Variants in MAN1A2 observed in about 807,000 individuals in gnomAD.
MAN1A2 encodes the protein mannosidase alpha class 1A member 2.
MAN1A2 carries 26 observed loss-of-function variants against 75.7 expected under a neutral mutation model. The observed-to-expected ratio is 0.34, with a 90% CI of 0.25 to 0.48. The LOEUF is 0.48. Among genes scored for constraint, MAN1A2 ranks in the 20% least tolerant of loss-of-function variants. The pLI is 0.99. For missense variants in MAN1A2, 562 were observed against 775.5 expected (o/e 0.72, Z 3.27); for synonymous variants, 247 against 264.6 (o/e 0.93, Z 0.65).
At chr1:117,461,858 A>G (rs1225207327) in intron 7 of MAN1A2, among the ~76,000 whole-genome samples, 1 of 152,132 alleles carries the variant, frequency 6.6e-6, no homozygotes, top group Non-Finnish European at 1.5e-5. Context: ...TTTTCCTCCC[A>G]GTGGAACTCG....
At chr1:117,379,772 GTT>G (rs950217799) in intron 1 of MAN1A2, among the ~76,000 whole-genome samples, 1 of 152,026 alleles carries the variant, frequency 6.6e-6, no homozygotes, top group Non-Finnish European at 1.5e-5. Context: ...TTAGCATAAT[GTT>G]TTTGAGGTTG....
At chr1:117,429,712 A>C (rs1422870127) in intron 5 of MAN1A2, among the ~76,000 whole-genome samples, 2 of 54,574 alleles carry the variant, frequency 3.7e-5, no homozygotes, top group Non-Finnish European at 7.2e-5. Flanking sequence ...AGGGGGGCTG[A>C]CCCCCCCCAC....
At chr1:117,486,981 A>G (rs924501211) in intron 8 of MAN1A2, among the ~76,000 whole-genome samples, 5 of 151,994 alleles carry the variant, frequency 3.3e-5, no homozygotes, top group African/African-American at 1.2e-4. Flanking sequence ...AGTGTGAGTA[A>G]GTAAGATTGG....
intron 6 of MAN1A2, among the ~76,000 whole-genome samples, chr1:117,444,439 G>T (rs944888743): frequency 6.7e-6 from 1 of 149,698 alleles, no homozygotes; most frequent in African/African-American, 2.5e-5. Context: ...TAGATGTAGC[G>T]TTCCTGGATC....
chr1:117,381,552 A>T (rs372242615), intron 1 of MAN1A2, among the ~76,000 whole-genome samples: 4 of 152,076 alleles, frequency 2.6e-5, no homozygotes, highest in African/African-American at 9.7e-5. Flanking sequence ...TCCATGGTGT[A>T]TATGTGCCAC....
rs1038469016 is a variant in MAN1A2 at position 117,523,922 on chromosome 1, C to T, written c.*965C>T. ...TCAACTTACAACTTTATTTATGTGGCTTGGCAAAAATCACTATAAGGCAGC... is the reference window on the plus strand; with the variant it reads ...TCAACTTACAACTTTATTTATGTGGTTTGGCAAAAATCACTATAAGGCAGC... On this transcript the variant is annotated 3_prime_UTR_variant, in exon 13 of 13. Transcript: ENST00000356554. The T allele has an allele frequency of 4.6e-5, 7 of 152,018 alleles. No individual in the cohort carries two copies. The highest frequency in any genetic ancestry group is 1.7e-4 in the African/African-American group (7 of 41,356). 9.4% of individuals were successfully genotyped at this position (152,018 alleles called of 1,614,324 possible). A position where few individuals can be genotyped will look rare whatever the true frequency, so the allele number is the denominator to read the frequency against.
intron 1 of MAN1A2, among the ~76,000 whole-genome samples, chr1:117,382,196 A>G (rs1653367465): frequency 6.6e-6 from 1 of 152,084 alleles, no homozygotes; most frequent in Non-Finnish European, 1.5e-5. Context: ...ATGAGATCCC[A>G]TTTGTCAATT....
intron 4 of MAN1A2, among the ~76,000 whole-genome samples, chr1:117,417,114 A>G (rs2101774679): frequency 6.6e-6 from 1 of 152,230 alleles, no homozygotes; most frequent in East Asian, 1.9e-4. Flanking sequence ...AATTAAATGC[A>G]TTTGTGTAGT....
chr1:117,495,284 AAC>A (rs1365589538), intron 9 of MAN1A2, among the ~76,000 whole-genome samples: 2 of 151,840 alleles, frequency 1.3e-5, no homozygotes, highest in Non-Finnish European at 1.5e-5. Context: ...GTTTTTTAAT[AAC>A]AGTTGATCAG....
chr1:117,465,735 C>T (rs953983214), intron 7 of MAN1A2, among the ~76,000 whole-genome samples: 1 of 152,030 alleles, frequency 6.6e-6, no homozygotes, highest in African/African-American at 2.4e-5. Flanking sequence ...AAAATAAATC[C>T]CTAGGAAAGT....
intron 3 of MAN1A2, among the ~76,000 whole-genome samples, chr1:117,408,041 G>C (rs1179608106): frequency 6.6e-6 from 1 of 152,090 alleles, no homozygotes; most frequent in East Asian, 1.9e-4. Flanking sequence ...GCTTAGTTAG[G>C]GCCTGGCTCT....
intron 2 of MAN1A2, among the ~76,000 whole-genome samples, chr1:117,404,215 T>G (rs2101756873): frequency 6.6e-6 from 1 of 152,340 alleles, no homozygotes; most frequent in East Asian, 1.9e-4. Context: ...TTGAGTTTTC[T>G]TGTAATATCT....
intron 8 of MAN1A2, among the ~76,000 whole-genome samples, chr1:117,483,366 A>C (rs1483187471): frequency 2.6e-5 from 4 of 151,982 alleles, no homozygotes; most frequent in Non-Finnish European, 5.9e-5. Context: ...TCTTCCTATC[A>C]ATGAGCATGG....
chr1:117,440,638 A>G (rs961855125), intron 5 of MAN1A2, among the ~76,000 whole-genome samples: 2 of 152,198 alleles, frequency 1.3e-5, no homozygotes, highest in Middle Eastern at 3.4e-3. Flanking sequence ...GTTAATTGCT[A>G]TTAATGATAC....
intron 3 of MAN1A2, among the ~76,000 whole-genome samples, chr1:117,412,656 T>C (rs1570722473): frequency 6.6e-6 from 1 of 151,902 alleles, no homozygotes; most frequent in African/African-American, 2.4e-5. Flanking sequence ...ATTTTTATGA[T>C]GTTTTATATA....
chr1:117,499,465 C>T lies in MAN1A2; in HGVS notation c.1588C>T (p.Leu530Phe). 6.2e-7 allele frequency: 1 copy of T among 1,608,650 alleles called. No individual in the cohort carries two copies. Among genetic ancestry groups the T allele is most frequent in the Non-Finnish European group, 8.5e-7 (1 of 1,177,398 alleles). ...AVRQAEKYYI[L>F]RPEVIETYWY... ...CCGGCAGGCTGAAAAGTATTATATCCTCCGTCCAGAAGTAATTGAAACCTA... is the reference window on the plus strand; with the variant it reads ...CCGGCAGGCTGAAAAGTATTATATCTTCCGTCCAGAAGTAATTGAAACCTA... The change falls in exon 11 of 13, where the codon CTC becomes TTC. Residue 530 changes from leucine (L) to phenylalanine (F), a missense_variant. By Grantham distance (22) the Leu-to-Phe change is conservative. This residue lies in a region of MAN1A2 where 434 missense variants were observed against 645.7 expected (regional missense o/e 0.67). Coordinates refer to ENST00000356554, the MANE Select transcript of MAN1A2 (RefSeq NM_006699.5).
chr1:117,499,548 A>G lies in MAN1A2; in HGVS notation c.1671A>G (p.Ala557=), dbSNP rs753442227. 4 of 1,597,210 alleles carry G rather than the reference A, an allele frequency of 2.5e-6. No individual in the cohort carries two copies. Among genetic ancestry groups the G allele is most frequent in the Non-Finnish European group, 3.4e-6 (4 of 1,172,334 alleles). Residue 557 remains alanine (A), a synonymous_variant, in exon 11 of 13, where the codon GCA becomes GCG. Transcript: ENST00000356554. ...GATACAGGCAGTGGGGCTGGGAAGC[A>G]GCACTGGTAAATAAGCCAATATTCC... ...DPRYRQWGWE[A]ALAIEKYCRV...
intron 11 of MAN1A2, among the ~76,000 whole-genome samples, chr1:117,499,896 C>T (rs1263859514): frequency 6.6e-6 from 1 of 151,370 alleles, no homozygotes; most frequent in Non-Finnish European, 1.5e-5. Flanking sequence ...AACTATTAGT[C>T]TTTTATGAAA....
intron 6 of MAN1A2, among the ~76,000 whole-genome samples, chr1:117,447,830 G>A (rs1037645215): frequency 1.3e-5 from 2 of 152,042 alleles, no homozygotes; most frequent in African/African-American, 4.8e-5. Flanking sequence ...TTTGCTATTA[G>A]TAGTATAGTT....
Sources: gnomAD v4.1 joint callset for allele counts (sites outside exome capture counted in the v4.1 genomes callset) on GRCh38, gnomAD v4.1.1 for gene constraint, gnomAD v4.1.1 regional missense constraint, MANE v1.5 for transcripts, NCBI Gene and HGNC (gene_info 2026-07-23, HGNC 2026-07-21) for gene names.